The following DYNC1I1 variants were observed in gnomAD, a reference collection of about 807,000 sequenced individuals.
DYNC1I1 encodes dynein cytoplasmic 1 intermediate chain 1.
A neutral mutation model predicts 86.6 loss-of-function variants in DYNC1I1; 43 were observed. The observed-to-expected ratio is 0.50, with a 90% CI of 0.39 to 0.64. The LOEUF (loss-of-function observed/expected upper bound fraction) is 0.64, where lower values mean the gene tolerates loss of function less well. Ranked by LOEUF, DYNC1I1 falls within the 30% of genes least tolerant of loss-of-function variation. DYNC1I1 has a pLI of 0.00. For synonymous variants in DYNC1I1, 262 were observed against 283.7 expected (o/e 0.92, Z 0.77); for missense variants, 604 against 788.8 (o/e 0.77, Z 2.81).
At chr7:95,955,724 G>A (rs943277258) in intron 6 of DYNC1I1, among the ~76,000 whole-genome samples, 4 of 152,172 alleles carry the variant, frequency 2.6e-5, no homozygotes, top group African/African-American at 9.7e-5. Context: ...CAGCTTACGT[G>A]CAAGGAACGA....
chr7:95,831,337 T>C (rs1308437726), intron 5 of DYNC1I1, among the ~76,000 whole-genome samples: 2 of 152,094 alleles, frequency 1.3e-5, no homozygotes, highest in African/African-American at 4.8e-5. Flanking sequence ...ACCTATGAAA[T>C]CATTTGGGTT....
At chr7:95,972,618 T>C (rs1372860167) in intron 6 of DYNC1I1, among the ~76,000 whole-genome samples, 4 of 152,084 alleles carry the variant, frequency 2.6e-5, no homozygotes, top group Non-Finnish European at 4.4e-5. Context: ...CTGACAAATG[T>C]TCCACTGCAC....
Position 95,985,664 on chromosome 7 carries a change from T to C in DYNC1I1, c.743+687T>C, listed in dbSNP as rs79056667. 2.6e-5 allele frequency among the ~76,000 whole-genome samples: 4 copies of C among 152,270 alleles called. No homozygotes were observed. The East Asian group carries it at 7.7e-4, about 29-fold the overall frequency. On this transcript the variant is annotated intron_variant, in intron 8 of 16. Coordinates refer to ENST00000447467, the MANE Select transcript of DYNC1I1 (RefSeq NM_001135556.2). ...ATAGCTGTTCTTAGCCACAGATCTCTTTTGGCCAAGAATGATATGTGAAGG... is the reference window on the plus strand; with the variant it reads ...ATAGCTGTTCTTAGCCACAGATCTCCTTTGGCCAAGAATGATATGTGAAGG...
chr7:95,868,174 A>G (rs932469785), intron 5 of DYNC1I1, among the ~76,000 whole-genome samples: 2 of 152,214 alleles, frequency 1.3e-5, no homozygotes, highest in African/African-American at 4.8e-5. Context: ...CATGTGGTTC[A>G]GGCCTGCGTG....
chr7:95,773,071 C>A (rs540744371), intron 1 of DYNC1I1, among the ~76,000 whole-genome samples: 1 of 152,312 alleles, frequency 6.6e-6, no homozygotes, highest in East Asian at 1.9e-4. Flanking sequence ...GAAGGGCGTC[C>A]CAGTGCGCCC....
intron 16 of DYNC1I1, among the ~76,000 whole-genome samples, chr7:96,086,700 T>C (rs1328908760): frequency 6.6e-6 from 1 of 152,220 alleles, no homozygotes; most frequent in Admixed American, 6.5e-5. Context: ...TGAAAAATTC[T>C]TGGAAAAGAA....
At chr7:96,079,496 G>A (rs1003169494) in intron 15 of DYNC1I1, among the ~76,000 whole-genome samples, 1 of 152,122 alleles carries the variant, frequency 6.6e-6, no homozygotes, top group Non-Finnish European at 1.5e-5. Flanking sequence ...ATGGGAGAGA[G>A]GTAGACACAC....
intron 6 of DYNC1I1, among the ~76,000 whole-genome samples, chr7:95,925,274 T>A (rs1399623294): frequency 1.3e-5 from 2 of 152,138 alleles, no homozygotes; most frequent in Non-Finnish European, 2.9e-5. Context: ...TTGTGTCTAA[T>A]CACCCCCTTT....
intron 6 of DYNC1I1, among the ~76,000 whole-genome samples, chr7:95,919,374 T>C (rs1791553821): frequency 6.6e-6 from 1 of 152,218 alleles, no homozygotes; most frequent in Admixed American, 6.5e-5. Flanking sequence ...AAATACCATA[T>C]GATATCCATT....
At chr7:95,781,135 G>A (rs187060545) in intron 1 of DYNC1I1, among the ~76,000 whole-genome samples, 119 of 152,296 alleles carry the variant, frequency 7.8e-4, no homozygotes, top group Non-Finnish European at 1.9e-4. Flanking sequence ...AGAGGAAAAT[G>A]AGAATCTATT....
Position 95,929,582 on chromosome 7 carries a change from A to C in DYNC1I1, c.491-47930A>C, listed in dbSNP as rs556256393. On this transcript the variant is annotated intron_variant, in intron 6 of 16. Transcript: ENST00000447467. ...AAGCATGCAGGAAAGTACTCAAATC[A>C]GGAGTGTACAACTTGATATTTTTGA... 2.6e-5 allele frequency among the ~76,000 whole-genome samples: 4 copies of C among 152,326 alleles called. 1 individual carries two copies. Among genetic ancestry groups the C allele is most frequent in the African/African-American group, 7.2e-5 (3 of 41,580 alleles).
chr7:96,076,174 T>C lies in DYNC1I1; in HGVS notation c.1627T>C (p.Trp543Arg), dbSNP rs1335550302. The C allele has an allele frequency of 6.2e-7, 1 of 1,614,172 alleles. No homozygotes were observed. Among genetic ancestry groups the C allele is most frequent in the Admixed American group, 1.7e-5 (1 of 60,016 alleles). The change falls in exon 15 of 17, where the codon TGG (tryptophan) becomes CGG (arginine). Residue 543 changes from tryptophan to arginine, a missense_variant. Transcript: ENST00000447467. ...CVDGMGRLDL[W>R]NLNNDTEVPT... ...GGACGGGATGGGGCGCTTGGACCTCTGGAACCTCAACAATGACACCGAGGT... is the reference window on the plus strand; with the variant it reads ...GGACGGGATGGGGCGCTTGGACCTCCGGAACCTCAACAATGACACCGAGGT...
intron 6 of DYNC1I1, among the ~76,000 whole-genome samples, chr7:95,931,126 A>G (rs1791883522): frequency 6.6e-6 from 1 of 152,138 alleles, no homozygotes; most frequent in Non-Finnish European, 1.5e-5. Context: ...TATGTTTTTA[A>G]GTATAGAAGT....
chr7:95,822,030 A>G (rs905424917), intron 4 of DYNC1I1, among the ~76,000 whole-genome samples: 4 of 152,220 alleles, frequency 2.6e-5, no homozygotes, highest in African/African-American at 9.6e-5. Context: ...AGATGGAAAG[A>G]AGAATGGAAA....
chr7:95,801,240 T>C (rs188878373), intron 1 of DYNC1I1, among the ~76,000 whole-genome samples: 335 of 150,490 alleles, frequency 2.2e-3, no homozygotes, highest in African/African-American at 7.9e-3. Context: ...ATAATCTTTT[T>C]TTAAGTTCCC....
intron 6 of DYNC1I1, among the ~76,000 whole-genome samples, chr7:95,876,636 CA>C (rs574878840): frequency 6.6e-6 from 1 of 152,216 alleles, no homozygotes; most frequent in Non-Finnish European, 1.5e-5. Flanking sequence ...CCCCGCTACA[CA>C]CAAAAATTAT....
intron 6 of DYNC1I1, among the ~76,000 whole-genome samples, chr7:95,964,726 C>A (rs536389999): frequency 6.6e-6 from 1 of 152,156 alleles, no homozygotes; most frequent in Non-Finnish European, 1.5e-5. Context: ...GAAGGGAAAA[C>A]AAGTGCCATG....
intron 14 of DYNC1I1, among the ~76,000 whole-genome samples, chr7:96,041,484 A>G (rs1265478643): frequency 6.6e-6 from 1 of 152,236 alleles, no homozygotes; most frequent in Non-Finnish European, 1.5e-5. Context: ...AAGATATACC[A>G]GCAAAAATAA....
chr7:95,838,426 C>G (rs1789178886), intron 5 of DYNC1I1, among the ~76,000 whole-genome samples: 1 of 152,104 alleles, frequency 6.6e-6, no homozygotes, highest in East Asian at 1.9e-4. Flanking sequence ...CAGTTCCATA[C>G]TGTTTTGATT....
Sources: gnomAD v4.1 joint callset for allele counts (sites outside exome capture counted in the v4.1 genomes callset) on GRCh38, gnomAD v4.1.1 for gene constraint, MANE v1.5 for transcripts, NCBI Gene and HGNC (gene_info 2026-07-23, HGNC 2026-07-21) for gene names.